The following ZSWIM2 variants were observed in gnomAD, a reference collection of about 807,000 sequenced individuals.
ZSWIM2 encodes the protein zinc finger SWIM-type containing 2.
Under a neutral mutation model 48.4 loss-of-function variants are expected in ZSWIM2, and 38 were observed. That is an observed-to-expected ratio of 0.79 (90% CI 0.61 to 1.03). The LOEUF is 1.03. Ranked by LOEUF, ZSWIM2 falls within the 50% of genes least tolerant of loss-of-function variation. ZSWIM2 has a pLI of 0.00. For missense variants in ZSWIM2, 776 were observed against 730.2 expected (o/e 1.06, Z -0.72); for synonymous variants, 240 against 251.3 (o/e 0.96, Z 0.42).
chr2:186,844,753 A>C lies in ZSWIM2; in HGVS notation c.247T>G (p.Leu83Val). ...CTTGGAAGCTTGAATTTTTTCAACAAGACCCTAACATTCACAAGTAGAAAA... is the reference window on the plus strand; with the variant it reads ...CTTGGAAGCTTGAATTTTTTCAACACGACCCTAACATTCACAAGTAGAAAA... ...GELCKHICWV[L>V]LKKFKLPRNH... The change falls in exon 3 of 9, where the codon TTG (leucine) becomes GTG (valine). Residue 83 changes from leucine (L) to valine (V), a missense_variant. By Grantham distance (32) the Leu-to-Val change is conservative. Coordinates refer to ENST00000295131, the MANE Select transcript of ZSWIM2 (RefSeq NM_182521.3). 6.4e-7 allele frequency: 1 copy of C among 1,564,484 alleles called. No homozygotes were observed. Among genetic ancestry groups the C allele is most frequent in the South Asian group, 1.2e-5 (1 of 80,056 alleles).
intron 2 of ZSWIM2, among the ~76,000 whole-genome samples, chr2:186,846,808 CACATAT>C (rs960260671): frequency 2.2e-4 from 11 of 50,310 alleles, no homozygotes; most frequent in Non-Finnish European, 3.4e-4. Flanking sequence ...CACACACACA[CACATAT>C]ATATATATAT....
chr2:186,830,650 T>C (rs186413834), intron 7 of ZSWIM2, among the ~76,000 whole-genome samples: 1 of 151,978 alleles, frequency 6.6e-6, no homozygotes, highest in Admixed American at 6.6e-5. Flanking sequence ...AGGAAATTTG[T>C]TTTCATCTGG....
chr2:186,843,540 G>T (rs908405567), intron 3 of ZSWIM2, among the ~76,000 whole-genome samples: 1 of 151,584 alleles, frequency 6.6e-6, no homozygotes. Flanking sequence ...AGCAGGATTT[G>T]TGGTATGGGT....
chr2:186,839,407 G>T (rs1691863564), intron 3 of ZSWIM2, among the ~76,000 whole-genome samples: 1 of 151,536 alleles, frequency 6.6e-6, no homozygotes, highest in Non-Finnish European at 1.5e-5. Flanking sequence ...AAGAGTCAAT[G>T]CAAACAGTGC....
chr2:186,842,778 A>C (rs1343337916), intron 3 of ZSWIM2, among the ~76,000 whole-genome samples: 1 of 151,580 alleles, frequency 6.6e-6, no homozygotes, highest in African/African-American at 2.4e-5. Context: ...AACAAATTTT[A>C]AATTTTGTTA....
chr2:186,843,856 G>A (rs1172904658), intron 3 of ZSWIM2, among the ~76,000 whole-genome samples: 1 of 151,494 alleles, frequency 6.6e-6, no homozygotes, highest in African/African-American at 2.4e-5. Context: ...GAAAATCCCT[G>A]TGAAACACTA....
chr2:186,833,022 T>A, intron 7 of ZSWIM2, 98 bp downstream of exon 7: 1 of 528,218 alleles, frequency 1.9e-6, no homozygotes, highest in Non-Finnish European at 3.1e-6. Context: ...TAATAATAAT[T>A]AAATAATAAA....
chr2:186,839,568 C>T lies in ZSWIM2; in HGVS notation c.284-399G>A, dbSNP rs76067356. 5.9e-4 allele frequency among the ~76,000 whole-genome samples: 89 copies of T among 151,468 alleles called. 1 individual carries two copies. Among genetic ancestry groups the T allele is most frequent in the African/African-American group, 2.0e-3 (81 of 41,382 alleles). ...AATACATGAGGAGGAAACTGATATC[C>T]GAGTAGCTACTGTAATTATTTGTTA... On this transcript the variant is annotated intron_variant, in intron 3 of 8. Coordinates refer to ENST00000295131, the MANE Select transcript of ZSWIM2 (RefSeq NM_182521.3).
chr2:186,846,695 A>G (rs1692008153), intron 2 of ZSWIM2, among the ~76,000 whole-genome samples: 1 of 151,768 alleles, frequency 6.6e-6, no homozygotes. Context: ...TTATCACAGC[A>G]CTATTCACAA....
chr2:186,836,140 C>T (rs145930041), intron 5 of ZSWIM2, among the ~76,000 whole-genome samples: 1 of 152,156 alleles, frequency 6.6e-6, no homozygotes, highest in East Asian at 1.9e-4. Flanking sequence ...CTCACATGTC[C>T]TTGTTCCCCC....
chr2:186,837,792 T>G (rs912375479), intron 4 of ZSWIM2, among the ~76,000 whole-genome samples: 1 of 151,034 alleles, frequency 6.6e-6, no homozygotes, highest in South Asian at 2.1e-4. Context: ...ACTTAAATTT[T>G]CCTTCATTCC....
chr2:186,840,664 G>A (rs1034269808), intron 3 of ZSWIM2, among the ~76,000 whole-genome samples: 4 of 151,152 alleles, frequency 2.6e-5, no homozygotes, highest in Non-Finnish European at 5.9e-5. Context: ...ACTACACACT[G>A]GTGCTATTAT....
chr2:186,838,905 A>G (rs557740150), intron 4 of ZSWIM2, 54 bp downstream of exon 4: 4 of 1,514,336 alleles, frequency 2.6e-6, no homozygotes, highest in South Asian at 2.5e-5. Context: ...TAAATCAGAA[A>G]TATGTTTTAG....
At chr2:186,831,263 C>G (rs1159547636) in intron 7 of ZSWIM2, among the ~76,000 whole-genome samples, 3 of 152,040 alleles carry the variant, frequency 2.0e-5, no homozygotes, top group Non-Finnish European at 4.4e-5. Flanking sequence ...CACAAGAGCT[C>G]TGGTTTCCAA....
In ZSWIM2 at chr2:186,839,161, G is replaced by A. The variant is rs1691858913; in HGVS notation, c.292C>T (p.Gln98Ter). The part of the protein sequence containing the change: ...KLPRNHESAL[Q>*]LGLGEREISD... The stretch of plus-strand genomic sequence containing the variant: ...ATCTCTCTTTCTCCAAGACCCAGTT[G>A]TAAAGCAGCTAGTGAGAAATCCCAA... The change falls in exon 4 of 9, where the codon CAA (glutamine) becomes TAA (stop). Residue 98 changes from glutamine to a stop codon, truncating the protein, a stop_gained. Coordinates refer to ENST00000295131, the MANE Select transcript of ZSWIM2 (RefSeq NM_182521.3). LOFTEE classifies it high-confidence loss of function. 1.2e-6 allele frequency: 2 copies of A among 1,610,592 alleles called. No homozygotes were observed. The highest frequency in any genetic ancestry group is 1.7e-6 in the Non-Finnish European group (2 of 1,177,682).
intron 2 of ZSWIM2, among the ~76,000 whole-genome samples, chr2:186,845,922 T>C (rs1210149205): frequency 6.6e-6 from 1 of 151,508 alleles, no homozygotes; most frequent in African/African-American, 2.4e-5. Flanking sequence ...GCTGGGAAAA[T>C]TGCAGCCATA....
intron 3 of ZSWIM2, among the ~76,000 whole-genome samples, chr2:186,840,157 C>T (rs1393324955): frequency 6.6e-6 from 1 of 151,600 alleles, no homozygotes; most frequent in African/African-American, 2.4e-5. Context: ...GGGCATCATA[C>T]ATTAATTAAC....
intron 7 of ZSWIM2, 138 bp from the exon 8 acceptor site, chr2:186,830,018 CAT>C (rs544559903): frequency 5.1e-6 from 4 of 790,548 alleles, no homozygotes; most frequent in South Asian, 1.9e-5. Context: ...TAATAAATCT[CAT>C]ATATTATAAA....
At chr2:186,841,728 G>GGTAA (rs1450619026) in intron 3 of ZSWIM2, among the ~76,000 whole-genome samples, 1 of 151,184 alleles carries the variant, frequency 6.6e-6, no homozygotes, top group East Asian at 1.9e-4. Flanking sequence ...GAAAATATAA[G>GGTAA]GTAACAGTGT....
Sources: allele counts gnomAD v4.1 joint callset (sites outside exome capture counted in the v4.1 genomes callset), GRCh38; gene constraint gnomAD v4.1.1; transcripts MANE v1.5; gene names NCBI Gene and HGNC (gene_info 2026-07-23, HGNC 2026-07-21).